LMF1: variants seen among roughly 807,000 people sequenced by gnomAD.
The protein encoded by LMF1 is lipase maturation factor 1, also known as transmembrane protein 112.
In LMF1, 68 loss-of-function variants were observed where a neutral mutation model predicts 60.6. The observed-to-expected ratio is 1.12, with a 90% CI of 0.92 to 1.37. LMF1 has a LOEUF of 1.37. Among genes scored for constraint, LMF1 ranks in the 40% most tolerant of loss-of-function variants. The pLI is 0.00. For missense variants in LMF1, 948 were observed against 767.2 expected (o/e 1.24, Z -2.78); for synonymous variants, 418 against 324.7 (o/e 1.29, Z -3.09).
chr16:895,618 G>A (rs1056523325), intron 4 of LMF1, among the ~76,000 whole-genome samples: 14 of 152,168 alleles, frequency 9.2e-5, no homozygotes, highest in Non-Finnish European at 1.5e-4. Context: ...GGGCTCGCGA[G>A]ACTGGCGGGG....
intron 3 of LMF1, among the ~76,000 whole-genome samples, chr16:912,026 G>A (rs1218064953): frequency 2.0e-5 from 3 of 152,188 alleles, no homozygotes; most frequent in Non-Finnish European, 2.9e-5. Context: ...ACTGCCCACA[G>A]CTCGCGTCTG....
chr16:955,059 G>C (rs2072648571), intron 1 of LMF1, among the ~76,000 whole-genome samples: 2 of 151,692 alleles, frequency 1.3e-5, no homozygotes, highest in East Asian at 2.0e-4. Context: ...AAGTAAACTA[G>C]ACACGTTACA....
intron 6 of LMF1, among the ~76,000 whole-genome samples, chr16:875,543 C>T (rs2069948101): frequency 6.6e-6 from 1 of 152,194 alleles, no homozygotes; most frequent in African/African-American, 2.4e-5. Context: ...ATGAGAGCTT[C>T]TCCCAGGCAG....
intron 10 of LMF1, among the ~76,000 whole-genome samples, chr16:857,729 C>A (rs374130511): frequency 0.025 from 45 of 1,786 alleles, no homozygotes; most frequent in Admixed American, 0.07. Context: ...GACGGGTGTG[C>A]GTGGTGTCTC....
intron 6 of LMF1, among the ~76,000 whole-genome samples, chr16:879,324 T>G (rs1218451613): frequency 6.6e-6 from 1 of 152,168 alleles, no homozygotes; most frequent in Non-Finnish European, 1.5e-5. Flanking sequence ...CTCTCGCAGC[T>G]GCAGGAAACG....
rs575584973 is a variant in LMF1, at chr16:906,570, G to A, written c.663+4361C>T. Among the ~76,000 whole-genome samples, 5 of 152,116 alleles carry A rather than the reference G, an allele frequency of 3.3e-5. No individual in the cohort carries two copies. In the East Asian group the frequency reaches 5.8e-4, roughly 18 times the overall value. ...CGGCTCTCCTTGCTCCTCAGCTTGC[G>A]GGCAACCTATCGTGGGGACTTGTGA... On this transcript the variant is annotated intron_variant, in intron 4 of 10. Coordinates refer to ENST00000262301, the MANE Select transcript of LMF1 (RefSeq NM_022773.4).
At chr16:959,268 C>T (rs2072773118) in intron 1 of LMF1, among the ~76,000 whole-genome samples, 1 of 152,216 alleles carries the variant, frequency 6.6e-6, no homozygotes, top group Admixed American at 6.5e-5. Context: ...CAGGCAATAA[C>T]ATGGATGAAT....
At chr16:973,958 C>T (rs1452125654), upstream of LMF1, among the ~76,000 whole-genome samples, 2 of 149,550 alleles carry the variant, frequency 1.3e-5, no homozygotes, top group Admixed American at 6.7e-5. Context: ...TGCAGTGAGC[C>T]GAGATCGTGC....
chr16:916,577 C>T (rs919886457), intron 3 of LMF1, among the ~76,000 whole-genome samples: 4 of 152,202 alleles, frequency 2.6e-5, no homozygotes, highest in African/African-American at 9.7e-5. Context: ...GTTCGGCTCT[C>T]GCTGCGCGCC....
chr16:876,402 C>T (rs139608575), intron 6 of LMF1, among the ~76,000 whole-genome samples: 7 of 152,168 alleles, frequency 4.6e-5, no homozygotes, highest in Non-Finnish European at 8.8e-5. Context: ...TGTCGTCGTC[C>T]GTTTGTCGGA....
chr16:895,732 G>C (rs2070645009), intron 4 of LMF1, among the ~76,000 whole-genome samples: 1 of 152,186 alleles, frequency 6.6e-6, no homozygotes, highest in African/African-American at 2.4e-5. Context: ...AGGGGAGTGG[G>C]ACCAAGAGCC....
At chr16:963,248 T>C (rs1203987687) in intron 1 of LMF1, among the ~76,000 whole-genome samples, 1 of 152,044 alleles carries the variant, frequency 6.6e-6, no homozygotes, top group African/African-American at 2.4e-5. Context: ...GGACCTGAGC[T>C]GTGAGCGCTG....
intron 2 of LMF1, among the ~76,000 whole-genome samples, chr16:942,224 G>A (rs1227057768): frequency 6.6e-6 from 1 of 152,218 alleles, no homozygotes; most frequent in African/African-American, 2.4e-5. Context: ...CTCTAAAGAT[G>A]CCAGTCCATC....
At chr16:975,287 G>A (rs568150666), upstream of LMF1, among the ~76,000 whole-genome samples, 2 of 152,288 alleles carry the variant, frequency 1.3e-5, no homozygotes, top group African/African-American at 2.4e-5. Flanking sequence ...GGTGTTCTCC[G>A]GTTGCAGGGC....
chr16:954,371 A>G lies in LMF1; in HGVS notation c.489T>C (p.Asn163=), dbSNP rs1003292489. 1.3e-5 allele frequency: 21 copies of G among 1,612,294 alleles called. No individual in the cohort carries two copies. The highest frequency in any genetic ancestry group is 1.2e-4 in the African/African-American group (9 of 74,992). The stretch of plus-strand genomic sequence containing the variant: ...CTGCTACTCACCAGACATGGCCCAC[A>G]TTAACCAGGGACATGTAGAGGCCCC... ...ALWGLYMSLV[N]VGHVWYSFGW... Residue 163 remains asparagine (N), a synonymous_variant, in exon 2 of 11, where the codon AAT becomes AAC. Transcript: ENST00000262301.
chr16:916,963 G>A (rs1214456205), intron 3 of LMF1, among the ~76,000 whole-genome samples: 2 of 152,200 alleles, frequency 1.3e-5, no homozygotes, highest in African/African-American at 4.8e-5. Context: ...ATTGAGCTCC[G>A]GGTCTGTTAC....
At chr16:946,808 T>A (rs1182546102) in intron 2 of LMF1, among the ~76,000 whole-genome samples, 1 of 152,144 alleles carries the variant, frequency 6.6e-6, no homozygotes, top group East Asian at 1.9e-4. Flanking sequence ...CAAGCTGAAG[T>A]CAGGGCACCC....
intron 5 of LMF1, among the ~76,000 whole-genome samples, chr16:884,398 G>A (rs982020625): frequency 1.3e-5 from 2 of 152,214 alleles, no homozygotes; most frequent in African/African-American, 4.8e-5. Flanking sequence ...TGAGACGAGA[G>A]TAGAGTACAA....
chr16:911,639 AGGCAGCAATGGGGGGGCAGCACTGGGGG>A (rs2071123325), intron 3 of LMF1, among the ~76,000 whole-genome samples: 2 of 22,046 alleles, frequency 9.1e-5, no homozygotes, highest in Admixed American at 7.4e-4. Context: ...AGCACTGGGG[AGGCAGCAATGGGGGGGCAGCACTGGGGG>A]GGCAGCACTG....
Sources: gnomAD v4.1 joint callset for allele counts (sites outside exome capture counted in the v4.1 genomes callset) on GRCh38, gnomAD v4.1.1 for gene constraint, MANE v1.5 for transcripts, NCBI Gene and HGNC (gene_info 2026-07-23, HGNC 2026-07-21) for gene names.